The following MAGI3 variants were observed in gnomAD, a reference collection of about 807,000 sequenced individuals.
The protein encoded by MAGI3 is membrane-associated guanylate kinase, WW and PDZ domain-containing protein 3.
In MAGI3, 43 loss-of-function variants were observed where a neutral mutation model predicts 121.8. The ratio of observed to expected loss-of-function variants is 0.35; its 90% CI spans 0.28 to 0.46. The LOEUF (loss-of-function observed/expected upper bound fraction) is 0.46, where lower values mean the gene tolerates loss of function less well. Among genes scored for constraint, MAGI3 ranks in the 20% least tolerant of loss-of-function variants. The pLI, the probability that MAGI3 is intolerant of heterozygous loss-of-function variation, is 1.00. For synonymous variants in MAGI3, 553 were observed against 639.3 expected (o/e 0.86, Z 2.04); for missense variants, 1,547 against 1,797.3 (o/e 0.86, Z 2.52).
Position 113,671,827 on chromosome 1 carries a change from C to G in MAGI3, c.2909C>G (p.Pro970Arg). 6.2e-7 allele frequency: 1 copy of G among 1,614,162 alleles called. No individual in the cohort carries two copies. The highest frequency in any genetic ancestry group is 8.5e-7 in the Non-Finnish European group (1 of 1,179,980). The change falls in exon 17 of 21, where the codon CCT (proline) becomes CGT (arginine). Residue 970 changes from proline (P) to arginine (R), a missense_variant. Pro to Arg is a moderately radical substitution (Grantham distance 103). Coordinates refer to ENST00000307546, the MANE Select transcript of MAGI3 (RefSeq NM_001142782.2). ...PMGQSQANHI[P>R]GDRSALEGEI... Reference sequence around the variant, plus strand: ...GGACAGTCACAGGCCAACCACATACCTGGGGACAGGTGGGGCTATTTTCAG... The same window carrying G: ...GGACAGTCACAGGCCAACCACATACGTGGGGACAGGTGGGGCTATTTTCAG...
intron 16 of MAGI3, among the ~76,000 whole-genome samples, chr1:113,669,854 A>G (rs765327301): frequency 2.6e-5 from 4 of 152,104 alleles, no homozygotes; most frequent in Non-Finnish European, 5.9e-5. Context: ...TACACAAGGC[A>G]GTGGCATGTT....
At chr1:113,520,340 T>C (rs1658116269) in intron 1 of MAGI3, among the ~76,000 whole-genome samples, 1 of 152,080 alleles carries the variant, frequency 6.6e-6, no homozygotes, top group Non-Finnish European at 1.5e-5. Context: ...CTGTTCTAGA[T>C]ACTAGGGACA....
At chr1:113,451,555 A>G (rs1359831391) in intron 1 of MAGI3, among the ~76,000 whole-genome samples, 1 of 152,184 alleles carries the variant, frequency 6.6e-6, no homozygotes, top group African/African-American at 2.4e-5. Flanking sequence ...GTCCTAAGGA[A>G]GATCATTGCT....
At chr1:113,678,934 C>A (rs935153783) in intron 19 of MAGI3, among the ~76,000 whole-genome samples, 2 of 152,118 alleles carry the variant, frequency 1.3e-5, no homozygotes, top group Admixed American at 6.5e-5. Context: ...TCTTTAGTCA[C>A]CTTGCAGCTA....
chr1:113,444,720 G>A (rs565890733), intron 1 of MAGI3, among the ~76,000 whole-genome samples: 1 of 152,268 alleles, frequency 6.6e-6, no homozygotes, highest in Admixed American at 6.5e-5. Context: ...AAACAGAAAA[G>A]TATGGCTCAT....
At chr1:113,659,907 T>G (rs1378617391) in intron 16 of MAGI3, among the ~76,000 whole-genome samples, 1 of 152,256 alleles carries the variant, frequency 6.6e-6, no homozygotes, top group Non-Finnish European at 1.5e-5. Flanking sequence ...ATAACCACTA[T>G]GTAATGCTCT....
At chr1:113,530,740 G>A (rs1658673978) in intron 1 of MAGI3, among the ~76,000 whole-genome samples, 1 of 151,934 alleles carries the variant, frequency 6.6e-6, no homozygotes, top group Admixed American at 6.6e-5. Flanking sequence ...GGGCAACATA[G>A]TGAAACCCTA....
chr1:113,571,498 A>G (rs1647289615), intron 2 of MAGI3, among the ~76,000 whole-genome samples: 1 of 152,194 alleles, frequency 6.6e-6, no homozygotes, highest in African/African-American at 2.4e-5. Flanking sequence ...GGCCATTTTC[A>G]CAATATCGGT....
At chr1:113,639,546 C>T (rs553084660) in intron 9 of MAGI3, among the ~76,000 whole-genome samples, 26 of 151,870 alleles carry the variant, frequency 1.7e-4, no homozygotes, top group Admixed American at 1.0e-3. Context: ...GGATTACAGG[C>T]GCACGCCACC....
At chr1:113,481,285 C>G (rs924738186) in intron 1 of MAGI3, among the ~76,000 whole-genome samples, 1 of 152,178 alleles carries the variant, frequency 6.6e-6, no homozygotes, top group African/African-American at 2.4e-5. Context: ...TACCCCAAAT[C>G]TTATAAACCT....
chr1:113,682,475 G>A, intron 20 of MAGI3: 1 of 1,337,192 alleles, frequency 7.5e-7, no homozygotes, highest in Non-Finnish European at 9.5e-7. Flanking sequence ...CCTCATTCTG[G>A]TTACCACAGT....
chr1:113,429,184 G>T (rs1367724704), intron 1 of MAGI3, among the ~76,000 whole-genome samples: 1 of 152,156 alleles, frequency 6.6e-6, no homozygotes, highest in East Asian at 1.9e-4. Flanking sequence ...GAATCACCTT[G>T]TCAATGTCCA....
At chr1:113,674,963 C>T (rs567230384) in intron 19 of MAGI3, among the ~76,000 whole-genome samples, 13 of 152,206 alleles carry the variant, frequency 8.5e-5, no homozygotes, top group Admixed American at 2.6e-4. Context: ...TGAGCAATGG[C>T]GTAAAACTAA....
chr1:113,675,915 A>G (rs995047073), intron 19 of MAGI3, among the ~76,000 whole-genome samples: 2 of 152,234 alleles, frequency 1.3e-5, no homozygotes, highest in Non-Finnish European at 2.9e-5. Flanking sequence ...TGTAATATAC[A>G]TGGTCCAAGT....
At chr1:113,506,924 A>G (rs1280966684) in intron 1 of MAGI3, among the ~76,000 whole-genome samples, 1 of 152,074 alleles carries the variant, frequency 6.6e-6, no homozygotes, top group Admixed American at 6.6e-5. Flanking sequence ...CTTCTTGGGC[A>G]GGCCTAGGTT....
chr1:113,573,459 A>G (rs550409466), intron 2 of MAGI3, among the ~76,000 whole-genome samples: 8 of 152,204 alleles, frequency 5.3e-5, no homozygotes, highest in Non-Finnish European at 1.2e-4. Context: ...TTTACCCAGT[A>G]GTCATTCAGG....
intron 9 of MAGI3, among the ~76,000 whole-genome samples, chr1:113,638,948 TC>T (rs1424567258): frequency 1.3e-5 from 2 of 151,804 alleles, no homozygotes; most frequent in African/African-American, 4.8e-5. Context: ...CGGGCGCCCC[TC>T]CCCCAGCCTC....
At chr1:113,556,367 G>T (rs1659993804) in intron 2 of MAGI3, among the ~76,000 whole-genome samples, 1 of 152,028 alleles carries the variant, frequency 6.6e-6, no homozygotes. Context: ...GGGTGCAGTG[G>T]CTCATGCCTG....
intron 9 of MAGI3, among the ~76,000 whole-genome samples, chr1:113,634,708 C>T (rs1256057459): frequency 2.0e-5 from 3 of 152,122 alleles, no homozygotes; most frequent in Admixed American, 2.0e-4. Flanking sequence ...ATTGACTTGG[C>T]AATGTGGGCT....
Sources: allele counts gnomAD v4.1 joint callset (sites outside exome capture counted in the v4.1 genomes callset), GRCh38; gene constraint gnomAD v4.1.1; transcripts MANE v1.5; gene names NCBI Gene and HGNC (gene_info 2026-07-23, HGNC 2026-07-21).